SENP7: variants seen among roughly 807,000 people sequenced by gnomAD.
The protein encoded by SENP7 is sentrin-specific protease 7.
Under a neutral mutation model 141.2 loss-of-function variants are expected in SENP7, and 64 were observed. The observed-to-expected ratio is 0.45, with a 90% CI of 0.37 to 0.56. The LOEUF (loss-of-function observed/expected upper bound fraction) is 0.56, where lower values mean the gene tolerates loss of function less well. Among genes scored for constraint, SENP7 ranks in the 20% least tolerant of loss-of-function variants. The probability of loss-of-function intolerance (pLI) is 0.00; values close to 1 mark genes in which losing one functional copy is unlikely to be tolerated. For missense variants in SENP7, 1,025 were observed against 1,212.2 expected, an observed-to-expected ratio of 0.85 and a Z score of 2.29; for synonymous variants, 382 against 426.4, an observed-to-expected ratio of 0.90 and a Z score of 1.28.
chr3:101,347,409 T>C (rs1343416548), intron 13 of SENP7: 1 of 152,010 alleles, frequency 6.6e-6, no homozygotes, highest in Non-Finnish European at 1.5e-5. Flanking sequence ...GTGAATTAAA[T>C]AATCTATCCT....
intron 7 of SENP7, among the ~76,000 whole-genome samples, chr3:101,370,298 T>C (rs1174058096): frequency 6.6e-6 from 1 of 152,172 alleles, no homozygotes; most frequent in Non-Finnish European, 1.5e-5. Context: ...CACATTCTAC[T>C]GCTTTCCTGG....
At chr3:101,407,806 A>G (rs1480886323) in intron 5 of SENP7, among the ~76,000 whole-genome samples, 1 of 152,212 alleles carries the variant, frequency 6.6e-6, no homozygotes, top group Non-Finnish European at 1.5e-5. Flanking sequence ...AGGAAAGTTC[A>G]TAGCCTTAAA....
chr3:101,419,815 C>T (rs760105848), intron 4 of SENP7, among the ~76,000 whole-genome samples: 50 of 152,176 alleles, frequency 3.3e-4, no homozygotes, highest in Non-Finnish European at 6.9e-4. Context: ...GTACTATATA[C>T]CAGGCACTGT....
chr3:101,344,991 C>CAAAAAAAA (rs71132568), intron 13 of SENP7, among the ~76,000 whole-genome samples: 11 of 61,340 alleles, frequency 1.8e-4, no homozygotes, highest in African/African-American at 2.7e-4. Context: ...AAAAAGAAAG[C>CAAAAAAAA]AAAAAAAAAA....
chr3:101,373,847 T>C (rs1278665273), intron 6 of SENP7, among the ~76,000 whole-genome samples: 1 of 152,134 alleles, frequency 6.6e-6, no homozygotes, highest in African/African-American at 2.4e-5. Context: ...TGTTTAAAGA[T>C]AAGGACAGCA....
At chr3:101,438,186 T>G (rs962229931) in intron 4 of SENP7, among the ~76,000 whole-genome samples, 1 of 152,168 alleles carries the variant, frequency 6.6e-6, no homozygotes, top group African/African-American at 2.4e-5. Flanking sequence ...GTAAACCAAG[T>G]GCCCACAGAT....
chr3:101,466,257 G>A (rs964948569), intron 3 of SENP7, among the ~76,000 whole-genome samples: 1 of 151,968 alleles, frequency 6.6e-6, no homozygotes, highest in Non-Finnish European at 1.5e-5. Flanking sequence ...AAAACATGAA[G>A]ATACAGGAGT....
At chr3:101,337,457 A>G in intron 17 of SENP7, 52 bp downstream of exon 17, 4 of 1,323,292 alleles carry the variant, frequency 3.0e-6, no homozygotes, top group Non-Finnish European at 4.1e-6. Flanking sequence ...TAGGAGCATC[A>G]AAAATAGTAC....
intron 3 of SENP7, among the ~76,000 whole-genome samples, chr3:101,479,892 C>CAAAAAAAAAA (rs1168285268): frequency 9.5e-4 from 7 of 7,346 alleles, no homozygotes; most frequent in South Asian, 6.9e-3. Flanking sequence ...ACAACAGCTA[C>CAAAAAAAAAA]AAAAAAAAAA....
intron 14 of SENP7, 139 bp from the exon 15 acceptor site, chr3:101,341,918 T>C: frequency 2.4e-6 from 2 of 832,898 alleles, no homozygotes; most frequent in Non-Finnish European, 3.5e-6. Flanking sequence ...TTTCCATAGA[T>C]ATAACCAAAC....
At chr3:101,444,515 G>C (rs1036484716) in intron 4 of SENP7, among the ~76,000 whole-genome samples, 10 of 152,134 alleles carry the variant, frequency 6.6e-5, no homozygotes, top group Non-Finnish European at 1.3e-4. Context: ...ATGATAGACT[G>C]GATGAAGAAA....
chr3:101,352,887 G>A (rs1012956705), intron 11 of SENP7, among the ~76,000 whole-genome samples: 1 of 151,878 alleles, frequency 6.6e-6, no homozygotes, highest in Non-Finnish European at 1.5e-5. Flanking sequence ...ATATTCCATA[G>A]AGTAAGTGAG....
At chr3:101,457,630 G>A in intron 4 of SENP7, 1 of 1,556,240 alleles carries the variant, frequency 6.4e-7, no homozygotes, top group Non-Finnish European at 8.9e-7. Context: ...GCTGTTCTAT[G>A]AACCACCTTC....
chr3:101,492,092 C>CAA (rs796578685), intron 3 of SENP7, among the ~76,000 whole-genome samples: 1 of 130,782 alleles, frequency 7.6e-6, no homozygotes, highest in African/African-American at 2.8e-5. Flanking sequence ...AACGCCATCT[C>CAA]AAAAAAAAAA....
chr3:101,448,670 C>A (rs1368861683), intron 4 of SENP7, among the ~76,000 whole-genome samples: 1 of 152,168 alleles, frequency 6.6e-6, no homozygotes, highest in African/African-American at 2.4e-5. Context: ...AGGGTCCTGA[C>A]TGTTAGAAGG....
intron 12 of SENP7, 122 bp downstream of exon 12, chr3:101,351,495 AT>A (rs527477781): frequency 2.7e-6 from 2 of 750,144 alleles, no homozygotes; most frequent in Non-Finnish European, 3.8e-6. Flanking sequence ...ATTATAAAAC[AT>A]TTTTACTCCA....
At chr3:101,471,910 A>G (rs892407788) in intron 3 of SENP7, among the ~76,000 whole-genome samples, 6 of 152,244 alleles carry the variant, frequency 3.9e-5, no homozygotes, top group African/African-American at 1.4e-4. Flanking sequence ...AACACTCATC[A>G]TCACTGGTCA....
In SENP7 at chr3:101,399,004, T is replaced by C; in HGVS notation, c.534A>G (p.Lys178=). 1 of 1,613,396 alleles carries C rather than the reference T, an allele frequency of 6.2e-7. No individual in the cohort carries two copies. The highest frequency in any genetic ancestry group is 8.5e-7 in the Non-Finnish European group (1 of 1,179,596). ...CAGTTACAGGTGGGGTCCTTATGTA[T>C]TTTCTTCCTAACTCCGTTCCCAGGA... ...TNVLGTELGR[K]YIRTPPVTEG... is the part of the protein sequence containing the mutation. The change falls in exon 6 of 24, where the codon AAA becomes AAG. Residue 178 remains lysine, a synonymous_variant. Transcript: ENST00000394095.
intron 15 of SENP7, among the ~76,000 whole-genome samples, chr3:101,340,761 T>G (rs953188307): frequency 6.6e-6 from 1 of 152,040 alleles, no homozygotes; most frequent in African/African-American, 2.4e-5. Context: ...ACATAAAACT[T>G]AAGAGACCAC....
Sources: allele counts gnomAD v4.1 joint callset (sites outside exome capture counted in the v4.1 genomes callset), GRCh38; gene constraint gnomAD v4.1.1; transcripts MANE v1.5; gene names NCBI Gene and HGNC (gene_info 2026-07-23, HGNC 2026-07-21).